CLMN: variants seen among roughly 807,000 people sequenced by gnomAD.
CLMN encodes the protein calmin, also known as calmin (calponin-like, transmembrane).
Under a neutral mutation model 92.7 loss-of-function variants are expected in CLMN, and 57 were observed. The observed-to-expected ratio is 0.61, with a 90% CI of 0.50 to 0.77. The LOEUF (loss-of-function observed/expected upper bound fraction) is 0.77, where lower values mean the gene tolerates loss of function less well. Among genes scored for constraint, CLMN ranks in the 30% least tolerant of loss-of-function variants. The pLI is 0.00. For missense variants in CLMN, 1,158 were observed against 1,237.5 expected, an observed-to-expected ratio of 0.94 and a Z score of 0.96; for synonymous variants, 466 against 470.6, an observed-to-expected ratio of 0.99 and a Z score of 0.13.
rs1896519502 is a variant in CLMN, at chr14:95,189,730, T to G, written c.*1834A>C. ...TCACATAATCTTTATTATCTGTACC[T>G]TTGAGCTTTCATTGATGCCAGGGAG... On this transcript the variant is annotated 3_prime_UTR_variant, in exon 13 of 13. Coordinates refer to ENST00000298912, the MANE Select transcript of CLMN (RefSeq NM_024734.4). 6.6e-6 allele frequency: 1 copy of G among 152,224 alleles called. No individual in the cohort carries two copies. Among genetic ancestry groups the G allele is most frequent in the Non-Finnish European group, 1.5e-5 (1 of 68,040 alleles). 9.4% of individuals were successfully genotyped at this position (152,224 alleles called of 1,614,324 possible).
chr14:95,210,679 C>G lies in CLMN; in HGVS notation c.802+7G>C. 6.2e-7 allele frequency: 1 copy of G among 1,603,926 alleles called. No homozygotes were observed. The highest frequency in any genetic ancestry group is 8.5e-7 in the Non-Finnish European group (1 of 1,176,798). On this transcript the variant is annotated splice_region_variant and intron_variant, in intron 7 of 12. Transcript: ENST00000298912. ...ATTATTAGAAAGAAAGAGAGAACCA[C>G]TGCTACCTTCTGGCTCCAGGAGCCT...
chr14:95,289,648 A>G (rs2140755721), intron 1 of CLMN, among the ~76,000 whole-genome samples: 1 of 152,284 alleles, frequency 6.6e-6, no homozygotes, highest in East Asian at 1.9e-4. Context: ...TGAAGGCTTC[A>G]AACCAGGGAA....
At chr14:95,244,859 T>C (rs1319908715) in intron 1 of CLMN, among the ~76,000 whole-genome samples, 1 of 151,642 alleles carries the variant, frequency 6.6e-6, no homozygotes, top group Non-Finnish European at 1.5e-5. Context: ...CTGCTGCAAA[T>C]ATTCAGGATT....
chr14:95,276,680 GACC>G (rs1899941238), intron 1 of CLMN, among the ~76,000 whole-genome samples: 1 of 152,048 alleles, frequency 6.6e-6, no homozygotes, highest in East Asian at 1.9e-4. Flanking sequence ...CTTTCCCAGA[GACC>G]ACATGTTGAA....
chr14:95,223,907 A>G (rs777128781), intron 2 of CLMN, 52 bp from the exon 3 acceptor site: 3 of 1,293,738 alleles, frequency 2.3e-6, no homozygotes, highest in Non-Finnish European at 3.3e-6. Flanking sequence ...TGTGATCCAC[A>G]AAGCTATGTC....
chr14:95,280,736 G>A (rs1900114759), intron 1 of CLMN, among the ~76,000 whole-genome samples: 1 of 152,116 alleles, frequency 6.6e-6, no homozygotes, highest in South Asian at 2.1e-4. Flanking sequence ...AATGGTGTTT[G>A]GCTTTTGTTG....
At chr14:95,211,507 A>G (rs1430162006) in intron 6 of CLMN, among the ~76,000 whole-genome samples, 5 of 152,226 alleles carry the variant, frequency 3.3e-5, no homozygotes, top group African/African-American at 1.2e-4. Flanking sequence ...CTTTCACTCT[A>G]TTTTGTAGAA....
intron 1 of CLMN, among the ~76,000 whole-genome samples, chr14:95,282,378 C>T (rs7148858): frequency 0.75 from 113,588 of 152,076 alleles, 42,993 homozygotes; most frequent in Middle Eastern, 0.86. Context: ...AGTTAGGAAG[C>T]TTTTGTAGTC....
intron 9 of CLMN, among the ~76,000 whole-genome samples, chr14:95,200,538 C>T (rs191968325): frequency 1.1e-3 from 174 of 152,264 alleles, no homozygotes; most frequent in African/African-American, 3.6e-3. Context: ...AATGTGGTTT[C>T]GGACTCACCT....
In CLMN at chr14:95,203,964, T is replaced by C. The variant is rs1303293420; in HGVS notation, c.1385A>G (p.His462Arg). 9 of 1,614,178 alleles carry C rather than the reference T, an allele frequency of 5.6e-6. No homozygotes were observed. Among genetic ancestry groups the C allele is most frequent in the Admixed American group, 1.7e-5 (1 of 60,024 alleles). Reference sequence around the variant, plus strand: ...CTCAGCAACCTCAACTGCCAAGACATGTCCATCCTGCCTCAATGATTCCTT... The same window carrying C: ...CTCAGCAACCTCAACTGCCAAGACACGTCCATCCTGCCTCAATGATTCCTT... ...VAKESLRQDGHVLAVEVAEEK... is the reference protein window; with the variant it reads ...VAKESLRQDGRVLAVEVAEEK... The change falls in exon 9 of 13, where the codon CAT becomes CGT. Residue 462 changes from histidine to arginine, a missense_variant. Coordinates refer to ENST00000298912, the MANE Select transcript of CLMN (RefSeq NM_024734.4).
chr14:95,229,877 G>C (rs1218580809), intron 2 of CLMN, among the ~76,000 whole-genome samples, 195 bp downstream of exon 2: 2 of 152,108 alleles, frequency 1.3e-5, no homozygotes, highest in Admixed American at 6.5e-5. Context: ...GATGACCCCA[G>C]GAGGGCAGAG....
At chr14:95,193,455 C>G (rs1457753615) in intron 12 of CLMN, 1 of 1,291,522 alleles carries the variant, frequency 7.7e-7, no homozygotes, top group East Asian at 2.5e-5. Flanking sequence ...TCAGGGGCTA[C>G]AGCATTCACA....
At chr14:95,230,362 C>T (rs1292352155) in intron 1 of CLMN, among the ~76,000 whole-genome samples, 1 of 152,216 alleles carries the variant, frequency 6.6e-6, no homozygotes, top group South Asian at 2.1e-4. Flanking sequence ...GATTCAGACA[C>T]ATGGAACAAA....
intron 4 of CLMN, among the ~76,000 whole-genome samples, chr14:95,218,427 A>T (rs1410796618): frequency 6.6e-6 from 1 of 152,070 alleles, no homozygotes; most frequent in Non-Finnish European, 1.5e-5. Context: ...GTTGCAGGGG[A>T]GAGAGGAGAG....
rs568599612 is a variant in CLMN, at chr14:95,210,190, T to A, written c.802+496A>T. Among the ~76,000 whole-genome samples the A allele has an allele frequency of 2.6e-5, 4 of 152,186 alleles. No individual in the cohort carries two copies. The East Asian group carries it at 5.8e-4, about 22-fold the overall frequency. On this transcript the variant is annotated intron_variant, in intron 7 of 12. Coordinates refer to ENST00000298912, the MANE Select transcript of CLMN (RefSeq NM_024734.4). ...GCCTCAGTCTCCCGAGTAGCTGGGA[T>A]TACAGACTGCGCCACCACGCCCAGC...
intron 1 of CLMN, among the ~76,000 whole-genome samples, chr14:95,281,094 C>A (rs1487198778): frequency 1.3e-5 from 2 of 152,182 alleles, no homozygotes. Context: ...CCAGGCAAAA[C>A]AGGAATTAAC....
At chr14:95,239,021 C>T (rs975086298) in intron 1 of CLMN, among the ~76,000 whole-genome samples, 4 of 152,296 alleles carry the variant, frequency 2.6e-5, no homozygotes, top group African/African-American at 9.6e-5. Flanking sequence ...GTTATTCTGT[C>T]TAACCTCAGT....
intron 1 of CLMN, among the ~76,000 whole-genome samples, chr14:95,268,944 C>T (rs889191375): frequency 1.3e-5 from 2 of 151,780 alleles, no homozygotes; most frequent in Admixed American, 6.6e-5. Flanking sequence ...GCTGGGACTA[C>T]AGGCACGTGC....
At position 95,210,976 on chromosome 14, in the gene CLMN, G is replaced by A. The variant is rs906254731; in HGVS notation, c.609-97C>T. On this transcript the variant is annotated intron_variant, in intron 6 of 12. Coordinates refer to ENST00000298912, the MANE Select transcript of CLMN (RefSeq NM_024734.4). Reference sequence around the variant, plus strand: ...CAGCAGCCGCGTGAGTTTTTGAGTGGGGCAGAGCTGCCGACCTCGCCAGGT... The same window carrying A: ...CAGCAGCCGCGTGAGTTTTTGAGTGAGGCAGAGCTGCCGACCTCGCCAGGT... 4 of 1,315,896 alleles carry A rather than the reference G, an allele frequency of 3.0e-6. No homozygotes were observed. The African/African-American group carries it at 4.6e-5, about 15-fold the overall frequency. 81.5% of individuals were successfully genotyped at this position (1,315,896 alleles called of 1,614,324 possible). A position where few individuals can be genotyped will look rare whatever the true frequency, so the allele number is the denominator to read the frequency against.
Sources: allele counts gnomAD v4.1 joint callset (sites outside exome capture counted in the v4.1 genomes callset), GRCh38; gene constraint gnomAD v4.1.1; transcripts MANE v1.5; gene names NCBI Gene and HGNC (gene_info 2026-07-23, HGNC 2026-07-21).